RYR1: variants seen among roughly 807,000 people sequenced by gnomAD.
RYR1 encodes ryanodine receptor 1.
A neutral mutation model predicts 583.5 loss-of-function variants in RYR1; 342 were observed. The observed-to-expected ratio is 0.59, with a 90% CI of 0.54 to 0.64. RYR1 has a LOEUF of 0.64. RYR1 is among the 30% of genes least tolerant of loss of function. RYR1 has a pLI of 0.00. For missense variants in RYR1, 6,032 were observed against 6,917.2 expected (o/e 0.87, Z 4.54); for synonymous variants, 2,791 against 2,822.5 (o/e 0.99, Z 0.35).
At chr19:38,456,254 G>T (rs1189423223) in intron 16 of RYR1, among the ~76,000 whole-genome samples, 2 of 145,586 alleles carry the variant, frequency 1.4e-5, no homozygotes, top group Middle Eastern at 3.9e-3. Context: ...AATTACAGGC[G>T]TGAACCACCA....
intron 23 of RYR1, among the ~76,000 whole-genome samples, chr19:38,465,760 G>T (rs142719117): frequency 1.3e-5 from 2 of 151,690 alleles, no homozygotes; most frequent in Admixed American, 1.3e-4. Context: ...GTGAAACTCC[G>T]TATCAAAAAA....
At chr19:38,445,737 C>T (rs929160521) in intron 7 of RYR1, among the ~76,000 whole-genome samples, 18 of 152,152 alleles carry the variant, frequency 1.2e-4, no homozygotes, top group African/African-American at 4.3e-4. Context: ...GCCTGTAATC[C>T]CAGCACTTTG....
chr19:38,570,796 A>T, intron 94 of RYR1, 103 bp downstream of exon 94: 1 of 1,015,886 alleles, frequency 9.8e-7, no homozygotes. Context: ...TGAAGGGATA[A>T]GGTATTGGGC....
chr19:38,556,436 C>T (rs1288397148), intron 89 of RYR1, among the ~76,000 whole-genome samples: 1 of 151,050 alleles, frequency 6.6e-6, no homozygotes, highest in African/African-American at 2.4e-5. Flanking sequence ...GAGCCATGTT[C>T]ATGGCACTGT....
At chr19:38,503,721 C>T (rs535913195) in intron 49 of RYR1, among the ~76,000 whole-genome samples, 15 of 151,154 alleles carry the variant, frequency 9.9e-5, no homozygotes, top group South Asian at 8.4e-4. Context: ...TGCAGTGAGC[C>T]GAGATCGTGC....
chr19:38,443,886 G>T, intron 5 of RYR1, 90 bp downstream of exon 5: 1 of 1,224,764 alleles, frequency 8.2e-7, no homozygotes. Flanking sequence ...AGGCAAGCAT[G>T]AGACTACCCT....
intron 19 of RYR1, among the ~76,000 whole-genome samples, chr19:38,460,062 C>T (rs181458565): frequency 5.2e-4 from 79 of 152,284 alleles, no homozygotes; most frequent in African/African-American, 1.7e-3. Context: ...CCAATGACCC[C>T]GAATGCTCTG....
Position 38,502,537 on chromosome 19 carries a change from G to C in RYR1, c.7645G>C (p.Ala2549Pro). 6.2e-7 allele frequency: 1 copy of C among 1,609,984 alleles called. No individual in the cohort carries two copies. The highest frequency in any genetic ancestry group is 1.7e-5 in the Admixed American group (1 of 59,968). ...TTTCAGCACCACCGAGATGGCGCTG[G>C]CGCTGAACCGCTACCTGTGCCTGGC... ...ATFSTTEMAL[A>P]LNRYLCLAVL... is the part of the protein sequence containing the mutation. Residue 2549 changes from alanine to proline, a missense_variant, in exon 48 of 106, where the codon GCG becomes CCG. Physicochemically the swap from Ala to Pro is conservative, Grantham distance 27. Transcript: ENST00000359596.
rs1972616957 is a variant in RYR1, at chr19:38,440,417, T to C, written c.46-328T>C. On this transcript the variant is annotated intron_variant, in intron 1 of 105. Transcript: ENST00000359596. ...AGCCAGGTGTGGTGGTGCACGCTTG[T>C]AATTTCAGCTATTTGGGAGGCTGAG... is the stretch of plus-strand genomic sequence containing the variant. Among the ~76,000 whole-genome samples, 3 of 152,178 alleles carry C rather than the reference T, an allele frequency of 2.0e-5. No individual in the cohort carries two copies. The South Asian group carries it at 6.2e-4, about 31-fold the overall frequency.
intron 63 of RYR1, among the ~76,000 whole-genome samples, chr19:38,514,282 A>ATTTT (rs56826915): frequency 7.2e-6 from 1 of 139,086 alleles, no homozygotes; most frequent in Non-Finnish European, 1.5e-5. Flanking sequence ...TTTTTTTTTA[A>ATTTT]TTTTTTTTTT....
chr19:38,578,620 G>A (rs1974063528), intron 99 of RYR1, among the ~76,000 whole-genome samples: 1 of 151,112 alleles, frequency 6.6e-6, no homozygotes, highest in Admixed American at 6.6e-5. Context: ...ATCACTTGAG[G>A]TCAGGAGTTC....
chr19:38,511,454 C>T (rs1970720440), intron 60 of RYR1, 107 bp from the exon 61 acceptor site: 7 of 1,200,854 alleles, frequency 5.8e-6, no homozygotes, highest in Middle Eastern at 2.0e-4. Context: ...TTCCTCTCTC[C>T]TTGTCTTCTC....
Position 38,444,567 on chromosome 19 carries a change from A to T in RYR1, c.538-17A>T, listed in dbSNP as rs1216755807. The T allele has an allele frequency of 2.5e-6, 4 of 1,611,002 alleles. No individual in the cohort carries two copies. Among genetic ancestry groups the T allele is most frequent in the Admixed American group, 3.3e-5 (2 of 59,808 alleles). ...CCCTGCAATCGTCTCTGACTGCCGCATCCTGGTGGCCCCCAGCACCTGTCG... is the reference window on the plus strand; with the variant it reads ...CCCTGCAATCGTCTCTGACTGCCGCTTCCTGGTGGCCCCCAGCACCTGTCG... On this transcript the variant is annotated splice_polypyrimidine_tract_variant and intron_variant, in intron 6 of 105. Coordinates refer to ENST00000359596, the MANE Select transcript of RYR1 (RefSeq NM_000540.3). The surrounding 1 kb of genome is among the most constrained non-coding windows in gnomAD (Gnocchi z 5.1).
Position 38,525,429 on chromosome 19 carries a change from TGCCCATCGGCCTGAATATGTGTGC to T in RYR1, c.10559_10582del (p.Ile3520_Pro3527del). On this transcript the variant is annotated inframe_deletion, in exon 71 of 106. Coordinates refer to ENST00000359596, the MANE Select transcript of RYR1 (RefSeq NM_000540.3). ...ATCGTGGCCACACTGAAGAAGATGCTGCCCATCGGCCTGAATATGTGTGCGCCCACCGACCAAGACCTCATCACG... is the reference window on the plus strand; with the variant it reads ...ATCGTGGCCACACTGAAGAAGATGCTGCCCACCGACCAAGACCTCATCACG... The T allele has an allele frequency of 6.2e-7, 1 of 1,613,980 alleles. No homozygotes were observed. Among genetic ancestry groups the T allele is most frequent in the African/African-American group, 1.3e-5 (1 of 74,954 alleles).
At chr19:38,441,315 G>A (rs2145323714) in intron 2 of RYR1, among the ~76,000 whole-genome samples, 1 of 151,566 alleles carries the variant, frequency 6.6e-6, no homozygotes, top group East Asian at 2.0e-4. Flanking sequence ...GCACAAGGAG[G>A]AGGGGTTTTA....
chr19:38,483,246 A>C lies in RYR1; in HGVS notation c.4708-44A>C. On this transcript the variant is annotated intron_variant, in intron 32 of 105. Coordinates refer to ENST00000359596, the MANE Select transcript of RYR1 (RefSeq NM_000540.3). The surrounding 1 kb of genome is among the most constrained non-coding windows in gnomAD (Gnocchi z 6.3). ...CCCTGGAAGTGGTGTGGTGGGACAG[A>C]GGGGGCTGGCCATCTTGACCCATGT... 1 of 1,571,810 alleles carries C rather than the reference A, an allele frequency of 6.4e-7. No homozygotes were observed. Among genetic ancestry groups the C allele is most frequent in the Admixed American group, 1.9e-5 (1 of 53,110 alleles).
intron 84 of RYR1, among the ~76,000 whole-genome samples, chr19:38,541,310 G>T (rs943154609): frequency 6.6e-6 from 1 of 152,186 alleles, no homozygotes; most frequent in East Asian, 1.9e-4. Flanking sequence ...GAGCAGTACA[G>T]GACAGAAAAG....
In RYR1 at chr19:38,580,655, T is replaced by C. The variant is rs1350156268; in HGVS notation, c.14646+151T>C. ...CGGGACGATTACTTGAGTCCAGGAG[T>C]TGGAAACCAGCCTGGGCAACAAAGC... On this transcript the variant is annotated intron_variant, in intron 101 of 105. Coordinates refer to ENST00000359596, the MANE Select transcript of RYR1 (RefSeq NM_000540.3). The C allele has an allele frequency of 3.1e-6, 3 of 980,540 alleles. No homozygotes were observed. In the East Asian group the frequency reaches 7.9e-5, roughly 26 times the overall value. 60.7% of individuals were successfully genotyped at this position (980,540 alleles called of 1,614,324 possible). A position where few individuals can be genotyped will look rare whatever the true frequency, so the allele number is the denominator to read the frequency against.
Position 38,564,940 on chromosome 19 carries a change from C to T in RYR1, c.12625-19C>T. 1.9e-6 allele frequency: 3 copies of T among 1,564,026 alleles called. No individual in the cohort carries two copies. The highest frequency in any genetic ancestry group is 1.7e-6 in the Non-Finnish European group (2 of 1,156,044). On this transcript the variant is annotated intron_variant, in intron 90 of 105. Transcript: ENST00000359596. ...CCCCGCTGACGGCGCCCTATCCTGT[C>T]TGCCGCCCCTCGCTTCAGGTGAAGG...
Sources: allele counts gnomAD v4.1 joint callset (sites outside exome capture counted in the v4.1 genomes callset), GRCh38; gene constraint gnomAD v4.1.1; non-coding constraint Gnocchi (gnomAD v3.1); transcripts MANE v1.5; gene names NCBI Gene and HGNC (gene_info 2026-07-23, HGNC 2026-07-21).